The following CDKAL1 variants were observed in gnomAD, a reference collection of about 807,000 sequenced individuals.
The protein encoded by CDKAL1 is threonylcarbamoyladenosine tRNA methylthiotransferase.
In CDKAL1, 32 loss-of-function variants were observed where a neutral mutation model predicts 68.2. The ratio of observed to expected loss-of-function variants is 0.47; its 90% CI spans 0.35 to 0.63. CDKAL1 has a LOEUF of 0.63. Among genes scored for constraint, CDKAL1 ranks in the 30% least tolerant of loss-of-function variants. The pLI is 0.00. For synonymous variants in CDKAL1, 234 were observed against 244.3 expected, an observed-to-expected ratio of 0.96 and a Z score of 0.39; for missense variants, 606 against 696.7, an observed-to-expected ratio of 0.87 and a Z score of 1.47.
intron 15 of CDKAL1, among the ~76,000 whole-genome samples, chr6:21,221,778 T>C (rs538041224): frequency 6.6e-6 from 1 of 152,284 alleles, no homozygotes; most frequent in South Asian, 2.1e-4. Context: ...ATGAGAAAAA[T>C]TTACACATGA....
intron 13 of CDKAL1, among the ~76,000 whole-genome samples, chr6:21,120,496 C>G (rs1292389263): frequency 6.6e-6 from 1 of 152,158 alleles, no homozygotes; most frequent in East Asian, 1.9e-4. Flanking sequence ...GTAATACATG[C>G]ACTTAATACC....
At chr6:20,865,138 A>G (rs557686569) in intron 9 of CDKAL1, among the ~76,000 whole-genome samples, 30 of 152,300 alleles carry the variant, frequency 2.0e-4, no homozygotes, top group African/African-American at 6.7e-4. Context: ...GCTGAAGCAC[A>G]GAGAGGTTAC....
chr6:20,608,075 C>T (rs1334911999), intron 4 of CDKAL1, among the ~76,000 whole-genome samples: 2 of 152,164 alleles, frequency 1.3e-5, no homozygotes, highest in African/African-American at 4.8e-5. Flanking sequence ...AATAAATTAA[C>T]ATATGCATAG....
chr6:20,988,852 G>T (rs899536336), intron 10 of CDKAL1, among the ~76,000 whole-genome samples: 29 of 150,894 alleles, frequency 1.9e-4, no homozygotes, highest in Admixed American at 4.0e-4. Flanking sequence ...TAGAGACGGG[G>T]TTTCACCACG....
intron 8 of CDKAL1, among the ~76,000 whole-genome samples, chr6:20,838,172 T>C (rs1425078035): frequency 2.0e-5 from 3 of 152,130 alleles, no homozygotes; most frequent in Non-Finnish European, 2.9e-5. Flanking sequence ...GGCAGAATTA[T>C]ATTCTTAAAG....
intron 9 of CDKAL1, among the ~76,000 whole-genome samples, chr6:20,927,838 A>G (rs1763250998): frequency 6.6e-6 from 1 of 152,080 alleles, no homozygotes; most frequent in South Asian, 2.1e-4. Context: ...TTTAGTAGTT[A>G]TCTTGACCTT....
Position 20,846,197 on chromosome 6 carries a change from A to G in CDKAL1, c.742+19A>G. 2 of 1,415,648 alleles carry G rather than the reference A, an allele frequency of 1.4e-6. No individual in the cohort carries two copies. Among genetic ancestry groups the G allele is most frequent in the Non-Finnish European group, 2.0e-6 (2 of 1,004,930 alleles). The allele number at this position is 1,415,648 out of a possible 1,614,324, so 87.7% of individuals were successfully genotyped here. A position where few individuals can be genotyped will look rare whatever the true frequency, so the allele number is the denominator to read the frequency against. ...TTTCAAGGTAAGAGTTTCTAGAATTATATGTGAAATTAGTCTTCTTAATAA... is the reference window on the plus strand; with the variant it reads ...TTTCAAGGTAAGAGTTTCTAGAATTGTATGTGAAATTAGTCTTCTTAATAA... On this transcript the variant is annotated intron_variant, in intron 9 of 15. Coordinates refer to ENST00000274695, the MANE Select transcript of CDKAL1 (RefSeq NM_017774.3).
chr6:20,798,467 T>C (rs904661918), intron 8 of CDKAL1, among the ~76,000 whole-genome samples: 6 of 152,168 alleles, frequency 3.9e-5, no homozygotes, highest in African/African-American at 1.4e-4. Flanking sequence ...TGCACACGTA[T>C]GTTTATTGCA....
chr6:20,906,845 A>G (rs2150612124), intron 9 of CDKAL1, among the ~76,000 whole-genome samples: 1 of 152,362 alleles, frequency 6.6e-6, no homozygotes, highest in East Asian at 1.9e-4. Flanking sequence ...ATACTAGAAC[A>G]CAGAAGGAAA....
At chr6:20,562,514 G>A (rs1473191213) in intron 4 of CDKAL1, among the ~76,000 whole-genome samples, 2 of 151,960 alleles carry the variant, frequency 1.3e-5, no homozygotes, top group African/African-American at 2.4e-5. Flanking sequence ...TGAGGTGGGC[G>A]GATCACTTGA....
In CDKAL1 at chr6:21,231,218, G is replaced by C. The variant is rs906070143; in HGVS notation, c.*179G>C. 8.7e-6 allele frequency: 4 copies of C among 460,330 alleles called. No individual in the cohort carries two copies. The highest frequency in any genetic ancestry group is 3.9e-5 in the African/African-American group (2 of 51,278). The allele number at this position is 460,330 out of a possible 1,614,324, so 28.5% of individuals were successfully genotyped here. ...GTCTCACATTGAGTTGGGCCCATTG[G>C]TTATTTGACCTAAAACCTAATCACC... On this transcript the variant is annotated 3_prime_UTR_variant, in exon 16 of 16. Coordinates refer to ENST00000274695, the MANE Select transcript of CDKAL1 (RefSeq NM_017774.3).
chr6:20,686,622 G>A (rs557664333), intron 5 of CDKAL1, among the ~76,000 whole-genome samples: 8 of 152,234 alleles, frequency 5.3e-5, no homozygotes, highest in Admixed American at 6.5e-5. Context: ...AATGTAATGC[G>A]CTTGAATCAT....
At chr6:20,847,998 C>G (rs1465451006) in intron 9 of CDKAL1, among the ~76,000 whole-genome samples, 1 of 152,116 alleles carries the variant, frequency 6.6e-6, no homozygotes, top group Non-Finnish European at 1.5e-5. Context: ...GGTGTTCATC[C>G]CATGTAAATG....
intron 7 of CDKAL1, among the ~76,000 whole-genome samples, chr6:20,777,880 A>G (rs1208436616): frequency 2.6e-5 from 4 of 152,238 alleles, no homozygotes; most frequent in African/African-American, 9.6e-5. Context: ...AATAATTATT[A>G]CAATACACTG....
chr6:20,875,169 G>A (rs1016113994), intron 9 of CDKAL1, among the ~76,000 whole-genome samples: 1 of 151,574 alleles, frequency 6.6e-6, no homozygotes, highest in African/African-American at 2.4e-5. Flanking sequence ...CGCGGTGGCA[G>A]GCGCCTGTAG....
intron 15 of CDKAL1, 31 bp from the exon 16 acceptor site, chr6:21,230,817 A>G: frequency 6.5e-7 from 1 of 1,538,970 alleles, no homozygotes; most frequent in Non-Finnish European, 8.8e-7. Flanking sequence ...GCATCTAAAA[A>G]TAATTTTTTC....
At chr6:20,618,537 A>G (rs530373379) in intron 4 of CDKAL1, among the ~76,000 whole-genome samples, 3 of 152,208 alleles carry the variant, frequency 2.0e-5, no homozygotes, top group South Asian at 2.1e-4. Flanking sequence ...GAAAGTGTGC[A>G]TAAGGCTTAA....
rs535639631 is a variant in CDKAL1, at chr6:20,568,036, C to T, written c.286+19331C>T. The stretch of plus-strand genomic sequence containing the variant: ...GACCACAGGCGCCTGCCACCACGCC[C>T]GGCTAATTTTTTTGTACTTTTAGTA... On this transcript the variant is annotated intron_variant, in intron 4 of 15. Transcript: ENST00000274695. 6.6e-5 allele frequency among the ~76,000 whole-genome samples: 10 copies of T among 152,204 alleles called. No individual in the cohort carries two copies. In the East Asian group the frequency reaches 7.8e-4, roughly 12 times the overall value.
At chr6:20,778,835 G>A (rs944962773) in intron 7 of CDKAL1, among the ~76,000 whole-genome samples, 1 of 152,038 alleles carries the variant, frequency 6.6e-6, no homozygotes, top group African/African-American at 2.4e-5. Context: ...ATTGGACGAG[G>A]CTCATCCATA....
Sources: allele counts gnomAD v4.1 joint callset (sites outside exome capture counted in the v4.1 genomes callset), GRCh38; gene constraint gnomAD v4.1.1; transcripts MANE v1.5; gene names NCBI Gene and HGNC (gene_info 2026-07-23, HGNC 2026-07-21).